Variants in NEK5 observed in about 807,000 individuals in gnomAD.
NEK5 encodes the protein NIMA related kinase 5, also known as serine/threonine-protein kinase Nek5.
NEK5 carries 88 observed loss-of-function variants against 109.2 expected under a neutral mutation model. That is an observed-to-expected ratio of 0.81 (90% confidence interval 0.68 to 0.96). The LOEUF is 0.96. Among genes scored for constraint, NEK5 ranks in the 40% least tolerant of loss-of-function variants. The pLI is 0.00. For synonymous variants in NEK5, 283 were observed against 299.9 expected (o/e 0.94, Z 0.58); for missense variants, 834 against 920.7 (o/e 0.91, Z 1.22).
At chr13:52,106,603 T>C (rs1344085015) in intron 8 of NEK5, among the ~76,000 whole-genome samples, 1 of 151,866 alleles carries the variant, frequency 6.6e-6, no homozygotes, top group African/African-American at 2.4e-5. Flanking sequence ...CCATCTCTAC[T>C]AAAAATACAA....
intron 12 of NEK5, among the ~76,000 whole-genome samples, chr13:52,096,476 C>T (rs1429261929): frequency 6.6e-6 from 1 of 152,084 alleles, no homozygotes; most frequent in Non-Finnish European, 1.5e-5. Context: ...AGAAATGCAG[C>T]AAAGGACACT....
chr13:52,121,534 T>C (rs183424869), intron 3 of NEK5, among the ~76,000 whole-genome samples: 14 of 152,298 alleles, frequency 9.2e-5, no homozygotes, highest in African/African-American at 3.4e-4. Flanking sequence ...ACAAAAGACT[T>C]TGTTACAGTG....
At position 52,071,974 on chromosome 13, in the gene NEK5, C is replaced by T. The variant is rs974181800; in HGVS notation, c.1819G>A (p.Ala607Thr). The T allele has an allele frequency of 6.2e-7, 1 of 1,613,026 alleles. No individual in the cohort carries two copies. The highest frequency in any genetic ancestry group is 8.5e-7 in the Non-Finnish European group (1 of 1,179,172). ...TCTGGGCAGTGAAGTTTTTCAAATG[C>T]TTTGTCTGTATAATCTCCATGCTCC... ...VKEHGDYTDK[A>T]FEKLHCPEAG... Residue 607 changes from alanine to threonine, a missense_variant, in exon 20 of 24, where the codon GCA becomes ACA. This residue lies in a region of NEK5 where 777 missense variants were observed against 824.7 expected (regional missense o/e 0.94). Coordinates refer to ENST00000684899, the MANE Select transcript of NEK5 (RefSeq NM_001365552.1).
chr13:52,087,577 T>C (rs1955176494), intron 14 of NEK5, 123 bp from the exon 15 acceptor site: 2 of 530,900 alleles, frequency 3.8e-6, no homozygotes, highest in South Asian at 3.1e-5. Context: ...ATTTGGGAGT[T>C]TTTTTTGTGG....
At chr13:52,071,889 A>G (rs117450607) in intron 20 of NEK5, 55 bp downstream of exon 20, 20,713 of 1,546,904 alleles carry the variant, frequency 0.013, 175 homozygotes, top group Non-Finnish European at 0.016. Context: ...AGAGTTCAAA[A>G]TGGGTTGCTA....
intron 12 of NEK5, among the ~76,000 whole-genome samples, chr13:52,095,944 A>G (rs971106647): frequency 2.0e-4 from 31 of 152,118 alleles, no homozygotes; most frequent in African/African-American, 7.2e-4. Context: ...TGGTAAATGG[A>G]TCGTTGGGGC....
chr13:52,077,102 G>C (rs1010523324), intron 17 of NEK5, among the ~76,000 whole-genome samples: 2 of 152,210 alleles, frequency 1.3e-5, no homozygotes. Context: ...GCATATGCCA[G>C]TCTGGGGAGA....
intron 12 of NEK5, among the ~76,000 whole-genome samples, chr13:52,095,234 T>C (rs1341359363): frequency 6.6e-6 from 1 of 152,212 alleles, no homozygotes; most frequent in African/African-American, 2.4e-5. Flanking sequence ...TGCACCTGCC[T>C]ATTTTTAAAA....
At chr13:52,128,417 A>G (rs745333600) in intron 1 of NEK5, among the ~76,000 whole-genome samples, 5 of 152,200 alleles carry the variant, frequency 3.3e-5, no homozygotes, top group Non-Finnish European at 7.3e-5. Context: ...CAAGGGTAGT[A>G]GTGCCAAGCA....
At chr13:52,126,678 C>A (rs1956068938) in intron 3 of NEK5, among the ~76,000 whole-genome samples, 1 of 152,152 alleles carries the variant, frequency 6.6e-6, no homozygotes, top group Admixed American at 6.5e-5. Flanking sequence ...ATTCAGGAGG[C>A]TGAAGTGGGA....
chr13:52,113,851 G>C (rs1479415793), intron 4 of NEK5, among the ~76,000 whole-genome samples: 1 of 152,160 alleles, frequency 6.6e-6, no homozygotes, highest in Non-Finnish European at 1.5e-5. Flanking sequence ...CTGTCCAAGA[G>C]AGAACCCTCT....
intron 13 of NEK5, among the ~76,000 whole-genome samples, chr13:52,090,380 C>T (rs994989243): frequency 6.6e-6 from 1 of 152,174 alleles, no homozygotes; most frequent in Admixed American, 6.5e-5. Flanking sequence ...TCATGATAAG[C>T]ATCCCCAATT....
At chr13:52,072,101 A>T in intron 19 of NEK5, 31 bp from the exon 20 acceptor site, 1 of 1,567,450 alleles carries the variant, frequency 6.4e-7, no homozygotes, top group Non-Finnish European at 8.7e-7. Context: ...TTCATGATAA[A>T]TTAGCCATAT....
intron 12 of NEK5, 84 bp downstream of exon 12, chr13:52,099,659 A>G: frequency 6.8e-7 from 1 of 1,463,338 alleles, no homozygotes. Flanking sequence ...ACAGAGCGAG[A>G]CTCCGTCTCA....
Position 52,036,619 on chromosome 13 carries a change from C to T in NEK5, c.*329G>A, listed in dbSNP as rs1376203094. On this transcript the variant is annotated 3_prime_UTR_variant, in exon 24 of 24. Coordinates refer to ENST00000684899, the MANE Select transcript of NEK5 (RefSeq NM_001365552.1). Reference sequence around the variant, plus strand: ...AAGTAACTGGGATTACAGGCATGCACCACCATGCCCAGCTAATTTTGTATT... The same window carrying T: ...AAGTAACTGGGATTACAGGCATGCATCACCATGCCCAGCTAATTTTGTATT... The T allele has an allele frequency of 6.6e-6, 1 of 152,244 alleles. No homozygotes were observed. Among genetic ancestry groups the T allele is most frequent in the Non-Finnish European group, 1.5e-5 (1 of 68,124 alleles). 9.4% of individuals were successfully genotyped at this position (152,244 alleles called of 1,614,324 possible). A position where few individuals can be genotyped will look rare whatever the true frequency, so the allele number is the denominator to read the frequency against.
chr13:52,115,896 G>A (rs1030622287), intron 4 of NEK5, among the ~76,000 whole-genome samples: 2 of 152,022 alleles, frequency 1.3e-5, no homozygotes, highest in East Asian at 1.9e-4. Flanking sequence ...AGGGCCTGGC[G>A]CAGCAGCTCT....
At chr13:52,105,850 A>G (rs1022220626) in intron 8 of NEK5, among the ~76,000 whole-genome samples, 2 of 152,134 alleles carry the variant, frequency 1.3e-5, no homozygotes, top group East Asian at 1.9e-4. Flanking sequence ...TGCATATTTT[A>G]AAGTCTTTCA....
intron 20 of NEK5, among the ~76,000 whole-genome samples, chr13:52,071,452 T>C (rs1029805019): frequency 1.3e-5 from 2 of 152,234 alleles, no homozygotes; most frequent in South Asian, 2.1e-4. Flanking sequence ...GTGCTGCCCA[T>C]TGCACTCTTG....
intron 4 of NEK5, among the ~76,000 whole-genome samples, chr13:52,118,134 C>T (rs1345155333): frequency 1.1e-4 from 16 of 152,214 alleles, no homozygotes. Flanking sequence ...CAGTAAGGAA[C>T]ACAGTGCTCT....
Sources: gnomAD v4.1 joint callset for allele counts (sites outside exome capture counted in the v4.1 genomes callset) on GRCh38, gnomAD v4.1.1 for gene constraint, gnomAD v4.1.1 regional missense constraint, MANE v1.5 for transcripts, NCBI Gene and HGNC (gene_info 2026-07-23, HGNC 2026-07-21) for gene names.